DEPDC5: variants seen among roughly 807,000 people sequenced by gnomAD.
The protein encoded by DEPDC5 is DEP domain containing 5, GATOR1 subcomplex subunit.
Under a neutral mutation model 217.3 loss-of-function variants are expected in DEPDC5, and 73 were observed. The ratio of observed to expected loss-of-function variants is 0.34; its 90% CI spans 0.28 to 0.41. The LOEUF is 0.41. Ranked by LOEUF, DEPDC5 falls within the 10% of genes least tolerant of loss-of-function variation. The pLI, the probability that DEPDC5 is intolerant of heterozygous loss-of-function variation, is 1.00. For synonymous variants in DEPDC5, 733 were observed against 756.7 expected, an observed-to-expected ratio of 0.97 and a Z score of 0.51; for missense variants, 1,675 against 2,070.1, an observed-to-expected ratio of 0.81 and a Z score of 3.70.
Position 31,906,333 on chromosome 22 carries a change from T to C in DEPDC5, c.4648T>C (p.Tyr1550His). Reference sequence around the variant, plus strand: ...GGAGCGGGTCGGCTACAACTGGGCCTACAACACCATGCTCACCAAAACATG... The same window carrying C: ...GGAGCGGGTCGGCTACAACTGGGCCCACAACACCATGCTCACCAAAACATG... ...CEERVGYNWA[Y>H]NTMLTKTWRS... Residue 1550 changes from tyrosine (Y) to histidine (H), a missense_variant, in exon 43 of 43, where the codon TAC (tyrosine) becomes CAC (histidine). By Grantham distance (83) the Tyr-to-His change is moderately conservative (BLOSUM62 2). Around this residue, in one of 11 missense-constraint regions of DEPDC5, gnomAD observed 42 missense variants for 27.7 expected, o/e 1.51. Transcript: ENST00000651528. This position sits in a 1 kb window ranked among gnomAD's most constrained non-coding sequence, Gnocchi z 5.1. 6.2e-7 allele frequency: 1 copy of C among 1,614,020 alleles called. No homozygotes were observed. The highest frequency in any genetic ancestry group is 8.5e-7 in the Non-Finnish European group (1 of 1,179,944).
intron 29 of DEPDC5, chr22:31,844,772 T>C (rs1039229762): frequency 1.1e-5 from 4 of 378,806 alleles, no homozygotes; most frequent in African/African-American, 2.3e-5. Context: ...CCCAAGCTGG[T>C]CTCAACTCCT....
chr22:31,894,865 A>G (rs1340067079), intron 39 of DEPDC5: 1 of 151,458 alleles, frequency 6.6e-6, no homozygotes, highest in Non-Finnish European at 1.5e-5. Flanking sequence ...GGAAAAAAAA[A>G]AAGAAGGCCG....
intron 33 of DEPDC5, 46 bp from the exon 34 acceptor site, chr22:31,870,544 G>C: frequency 6.9e-7 from 1 of 1,454,364 alleles, no homozygotes; most frequent in East Asian, 2.6e-5. Context: ...GTGTTTTCCT[G>C]TCAGTTATTT....
chr22:31,831,415 C>T (rs567191306), intron 24 of DEPDC5, among the ~76,000 whole-genome samples: 1 of 152,210 alleles, frequency 6.6e-6, no homozygotes, highest in Admixed American at 6.5e-5. Flanking sequence ...AAGAAAAGTC[C>T]TAAAATTGTT....
intron 18 of DEPDC5, among the ~76,000 whole-genome samples, chr22:31,809,064 G>A (rs2087924595): frequency 6.6e-6 from 1 of 152,092 alleles, no homozygotes; most frequent in African/African-American, 2.4e-5. Flanking sequence ...CACTGTGCCT[G>A]GCCTTTATTT....
chr22:31,831,869 C>T (rs1448599317), intron 24 of DEPDC5, among the ~76,000 whole-genome samples: 1 of 152,226 alleles, frequency 6.6e-6, no homozygotes, highest in Non-Finnish European at 1.5e-5. Context: ...CAAACAAACA[C>T]ATCAAGATAA....
At chr22:31,760,915 A>T (rs1489412705) in intron 4 of DEPDC5, among the ~76,000 whole-genome samples, 1 of 152,076 alleles carries the variant, frequency 6.6e-6, no homozygotes, top group Admixed American at 6.6e-5. Context: ...TGTATCCATT[A>T]CACAGTGAAC....
At chr22:31,850,265 T>C (rs1194413014) in intron 31 of DEPDC5, among the ~76,000 whole-genome samples, 6 of 151,898 alleles carry the variant, frequency 4.0e-5, no homozygotes, top group Non-Finnish European at 5.9e-5. Flanking sequence ...TTATATAATA[T>C]GTAAAACAAT....
At chr22:31,777,579 C>G (rs141946373) in intron 7 of DEPDC5, among the ~76,000 whole-genome samples, 2,074 of 150,942 alleles carry the variant, frequency 0.014, 16 homozygotes, top group Middle Eastern at 0.031. Flanking sequence ...TTCTTTAGAC[C>G]TATATGTGGA....
At chr22:31,847,210 A>G (rs1208466972) in intron 31 of DEPDC5, among the ~76,000 whole-genome samples, 1 of 152,234 alleles carries the variant, frequency 6.6e-6, no homozygotes, top group Non-Finnish European at 1.5e-5. Context: ...TTTAGCCCAC[A>G]AAGTATTTCA....
Position 31,843,168 on chromosome 22 carries a change from G to A in DEPDC5, c.2589G>A (p.Val863=). The stretch of plus-strand genomic sequence containing the variant: ...GTATGGGCAGAACGTTCCACAAAGT[G>A]ACGCTGAAGGATAAGATGATCACAG... ...WLSMGRTFHK[V]TLKDKMITVT... The change falls in exon 28 of 43, where the codon GTG becomes GTA. Residue 863 remains valine (V), a synonymous_variant. Transcript: ENST00000651528. The A allele has an allele frequency of 6.2e-7, 1 of 1,614,192 alleles. No individual in the cohort carries two copies. The highest frequency in any genetic ancestry group is 8.5e-7 in the Non-Finnish European group (1 of 1,180,040).
intron 12 of DEPDC5, among the ~76,000 whole-genome samples, chr22:31,797,395 C>T (rs936395824): frequency 1.3e-5 from 2 of 152,026 alleles, no homozygotes; most frequent in African/African-American, 4.8e-5. Context: ...GGGAAACTGC[C>T]CCTTTTAAAC....
chr22:31,777,227 T>G (rs1176944028), intron 7 of DEPDC5, among the ~76,000 whole-genome samples: 2 of 149,892 alleles, frequency 1.3e-5, no homozygotes, highest in Non-Finnish European at 3.0e-5. Flanking sequence ...CTCAACGTGT[T>G]GGGATTATAG....
intron 25 of DEPDC5, among the ~76,000 whole-genome samples, chr22:31,836,679 A>G (rs950862501): frequency 1.3e-5 from 2 of 152,156 alleles, no homozygotes; most frequent in African/African-American, 4.8e-5. Flanking sequence ...GCCCTGCCGT[A>G]ATCTCACCTG....
chr22:31,837,430 A>G (rs1028138938), intron 26 of DEPDC5: 12 of 456,132 alleles, frequency 2.6e-5, no homozygotes, highest in Admixed American at 7.8e-5. Context: ...AACTCACTGC[A>G]GCCTCTACCT....
At chr22:31,780,583 C>T (rs552059100) in intron 8 of DEPDC5, among the ~76,000 whole-genome samples, 1 of 152,252 alleles carries the variant, frequency 6.6e-6, no homozygotes, top group South Asian at 2.1e-4. Flanking sequence ...ACATGCTGCC[C>T]TCTGTATCCT....
intron 14 of DEPDC5, among the ~76,000 whole-genome samples, chr22:31,800,641 T>A (rs1200520124): frequency 6.6e-6 from 1 of 151,964 alleles, no homozygotes; most frequent in Non-Finnish European, 1.5e-5. Flanking sequence ...AAAATAAGAA[T>A]TAAAATAAAA....
chr22:31,906,063 A>G lies in DEPDC5; in HGVS notation c.4516A>G (p.Thr1506Ala), dbSNP rs1375938331. The G allele has an allele frequency of 2.5e-6, 4 of 1,614,170 alleles. No homozygotes were observed. The highest frequency in any genetic ancestry group is 3.4e-6 in the Non-Finnish European group (4 of 1,180,024). Reference protein sequence around the residue: ...AENKPQYIHVTGTVFLQLPYS... With the variant: ...AENKPQYIHVAGTVFLQLPYS... ...GAACAAGCCTCAGTATATCCACGTTACAGGTGAGGAGCTACGGGCAGAGTT... is the reference window on the plus strand; with the variant it reads ...GAACAAGCCTCAGTATATCCACGTTGCAGGTGAGGAGCTACGGGCAGAGTT... The change falls in exon 42 of 43, where the codon ACA becomes GCA. Residue 1506 changes from threonine (T) to alanine (A), a missense_variant. Thr to Ala is a moderately conservative substitution (Grantham distance 58). Transcript: ENST00000651528. This position sits in a 1 kb window ranked among gnomAD's most constrained non-coding sequence, Gnocchi z 5.1.
chr22:31,882,910 C>T (rs1444107817), intron 38 of DEPDC5, among the ~76,000 whole-genome samples: 1 of 152,090 alleles, frequency 6.6e-6, no homozygotes, highest in Non-Finnish European at 1.5e-5. Context: ...AGGTGGGAGC[C>T]ATTACGCCCG....
Sources: allele counts gnomAD v4.1 joint callset (sites outside exome capture counted in the v4.1 genomes callset), GRCh38; gene constraint gnomAD v4.1.1; regional missense constraint gnomAD v4.1.1; non-coding constraint Gnocchi (gnomAD v3.1); transcripts MANE v1.5; gene names NCBI Gene and HGNC (gene_info 2026-07-23, HGNC 2026-07-21).